The following CTNNA3 variants were observed in gnomAD, a reference collection of about 807,000 sequenced individuals.
The protein encoded by CTNNA3 is catenin alpha 3.
A neutral mutation model predicts 95.7 loss-of-function variants in CTNNA3; 76 were observed. The ratio of observed to expected loss-of-function variants is 0.79; its 90% CI spans 0.66 to 0.96. CTNNA3 has a LOEUF of 0.96. CTNNA3 is among the 40% of genes least tolerant of loss of function. CTNNA3 has a pLI of 0.00. For missense variants in CTNNA3, 1,191 were observed against 1,089.8 expected, an observed-to-expected ratio of 1.09 and a Z score of -1.31; for synonymous variants, 431 against 374.4, an observed-to-expected ratio of 1.15 and a Z score of -1.74.
chr10:66,998,489 T>G (rs1851486755), intron 7 of CTNNA3, among the ~76,000 whole-genome samples: 2 of 152,180 alleles, frequency 1.3e-5, no homozygotes, highest in Non-Finnish European at 2.9e-5. Flanking sequence ...TATATTTTTA[T>G]GCTTTTTGCA....
chr10:66,390,457 C>G (rs1186262809), intron 11 of CTNNA3, among the ~76,000 whole-genome samples: 1 of 152,034 alleles, frequency 6.6e-6, no homozygotes, highest in African/African-American at 2.4e-5. Flanking sequence ...AGTTATAATG[C>G]AAAATCGATT....
At chr10:66,977,131 T>C (rs1207978507) in intron 7 of CTNNA3, among the ~76,000 whole-genome samples, 2 of 152,100 alleles carry the variant, frequency 1.3e-5, no homozygotes, top group Non-Finnish European at 2.9e-5. Context: ...TTAAAGGACC[T>C]ATAATGGGTA....
intron 12 of CTNNA3, among the ~76,000 whole-genome samples, chr10:66,327,822 T>G (rs372039175): frequency 2.0e-5 from 3 of 152,250 alleles, no homozygotes; most frequent in Admixed American, 6.5e-5. Flanking sequence ...ATTTTATGTG[T>G]CAATTTATAA....
chr10:66,630,729 T>C (rs1034094778), intron 9 of CTNNA3, among the ~76,000 whole-genome samples: 3 of 151,794 alleles, frequency 2.0e-5, no homozygotes, highest in African/African-American at 7.2e-5. Flanking sequence ...CTCTTTCTCC[T>C]AGTGAAGCAG....
Position 67,521,898 on chromosome 10 carries a change from G to C in CTNNA3, c.523C>G (p.Gln175Glu). Residue 175 changes from glutamine (Q) to glutamate (E), a missense_variant, in exon 5 of 18, where the codon CAG becomes GAG. Physicochemically the swap from Gln to Glu is conservative, Grantham distance 29. Coordinates refer to ENST00000433211, the MANE Select transcript of CTNNA3 (RefSeq NM_013266.4). ...TTTTCCAGCTCCTTCCCAAGCTTCT[G>C]GTAGGTTTTCTGGAGGTCAGATTTG... is the stretch of plus-strand genomic sequence containing the variant. The part of the protein sequence containing the change: ...ANKSDLQKTY[Q>E]KLGKELENLD... The C allele has an allele frequency of 6.2e-7, 1 of 1,612,844 alleles. No homozygotes were observed. Among genetic ancestry groups the C allele is most frequent in the African/African-American group, 1.3e-5 (1 of 75,022 alleles).
chr10:65,999,371 T>C (rs1221147785), intron 15 of CTNNA3, among the ~76,000 whole-genome samples: 1 of 152,126 alleles, frequency 6.6e-6, no homozygotes, highest in Non-Finnish European at 1.5e-5. Context: ...AAGGAGCAGC[T>C]AAAGTACCCT....
chr10:66,778,690 T>A (rs149783305), intron 7 of CTNNA3, among the ~76,000 whole-genome samples: 1 of 149,724 alleles, frequency 6.7e-6, no homozygotes. Context: ...AAAAAAAAAA[T>A]TCTGGGCCGA....
chr10:66,852,825 C>T (rs960906711), intron 7 of CTNNA3, among the ~76,000 whole-genome samples: 1 of 152,160 alleles, frequency 6.6e-6, no homozygotes, highest in Admixed American at 6.5e-5. Flanking sequence ...AAAAAAACTT[C>T]ACACTGGGTT....
chr10:66,845,703 C>CAAAAAAAAAAAAAAAAAA (rs61085873), intron 7 of CTNNA3, among the ~76,000 whole-genome samples: 12 of 23,548 alleles, frequency 5.1e-4, no homozygotes, highest in African/African-American at 8.2e-4. Context: ...AACTCTGTCT[C>CAAAAAAAAAAAAAAAAAA]AAAAAAAAAA....
At chr10:66,031,288 G>T (rs762113906) in intron 15 of CTNNA3, among the ~76,000 whole-genome samples, 1 of 152,122 alleles carries the variant, frequency 6.6e-6, no homozygotes, top group Non-Finnish European at 1.5e-5. Context: ...CAATAGCAAA[G>T]ACATTGAATT....
intron 9 of CTNNA3, among the ~76,000 whole-genome samples, chr10:66,685,194 TATATATATATAC>T (rs1847214365): frequency 5.4e-5 from 3 of 55,950 alleles, no homozygotes; most frequent in African/African-American, 1.3e-4. Flanking sequence ...TATATACGTG[TATATATATATAC>T]GTATATATAT....
intron 1 of CTNNA3, among the ~76,000 whole-genome samples, chr10:67,738,234 T>C (rs1483167335): frequency 6.6e-6 from 1 of 151,956 alleles, no homozygotes; most frequent in East Asian, 1.9e-4. Flanking sequence ...AGAGGAAGGA[T>C]CAGGCAGCGA....
At chr10:66,443,446 C>T (rs955598048) in intron 11 of CTNNA3, among the ~76,000 whole-genome samples, 3 of 152,080 alleles carry the variant, frequency 2.0e-5, no homozygotes, top group Admixed American at 1.3e-4. Flanking sequence ...CCGGGTATTC[C>T]TCTGGGACAA....
In CTNNA3 at chr10:67,308,356, T is replaced by C. The variant is rs373726554; in HGVS notation, c.580-88486A>G. 4.6e-5 allele frequency among the ~76,000 whole-genome samples: 7 copies of C among 152,224 alleles called. No homozygotes were observed. In the East Asian group the frequency reaches 1.2e-3, roughly 25 times the overall value. On this transcript the variant is annotated intron_variant, in intron 5 of 17. Coordinates refer to ENST00000433211, the MANE Select transcript of CTNNA3 (RefSeq NM_013266.4). Reference sequence around the variant, plus strand: ...TTCTTGTGATAGTGAATAAGTCTAATGAGATCTGATAGTTTCATAAAGGGC... The same window carrying C: ...TTCTTGTGATAGTGAATAAGTCTAACGAGATCTGATAGTTTCATAAAGGGC...
At chr10:67,112,838 T>C (rs1858979702) in intron 7 of CTNNA3, among the ~76,000 whole-genome samples, 1 of 151,874 alleles carries the variant, frequency 6.6e-6, no homozygotes, top group Non-Finnish European at 1.5e-5. Flanking sequence ...ATCAAAACTC[T>C]TTTTGAGAAA....
chr10:67,706,392 A>T (rs1261447197), intron 1 of CTNNA3, among the ~76,000 whole-genome samples: 1 of 152,078 alleles, frequency 6.6e-6, no homozygotes, highest in Non-Finnish European at 1.5e-5. Flanking sequence ...AGGAGGAAAG[A>T]AAAAAGAAGA....
chr10:66,180,651 G>A (rs1205500813), intron 13 of CTNNA3, among the ~76,000 whole-genome samples: 2 of 152,106 alleles, frequency 1.3e-5, no homozygotes, highest in African/African-American at 4.8e-5. Context: ...CATACGCCCT[G>A]GGAAACTCAT....
intron 1 of CTNNA3, among the ~76,000 whole-genome samples, chr10:67,736,265 T>A (rs1457994611): frequency 6.8e-6 from 1 of 147,188 alleles, no homozygotes; most frequent in East Asian, 1.9e-4. Flanking sequence ...TACCAGAAAC[T>A]AGGGGCAGGA....
At chr10:66,618,831 C>A (rs1844630529) in intron 10 of CTNNA3, among the ~76,000 whole-genome samples, 1 of 151,962 alleles carries the variant, frequency 6.6e-6, no homozygotes, top group Non-Finnish European at 1.5e-5. Flanking sequence ...GGCTAATATC[C>A]AGAATCTACA....
Sources: allele counts gnomAD v4.1 joint callset (sites outside exome capture counted in the v4.1 genomes callset), GRCh38; gene constraint gnomAD v4.1.1; transcripts MANE v1.5; gene names NCBI Gene and HGNC (gene_info 2026-07-23, HGNC 2026-07-21).